SDSL: variants seen among roughly 807,000 people sequenced by gnomAD.
The protein encoded by SDSL is serine dehydratase-like.
SDSL carries 26 observed loss-of-function variants against 27.6 expected under a neutral mutation model. The observed-to-expected ratio is 0.94, with a 90% CI of 0.69 to 1.31. The LOEUF (loss-of-function observed/expected upper bound fraction) is 1.31, where lower values mean the gene tolerates loss of function less well. Ranked by LOEUF, SDSL falls within the 50% of genes most tolerant of loss-of-function variation. SDSL has a pLI of 0.00. For missense variants in SDSL, 431 were observed against 423.5 expected, an observed-to-expected ratio of 1.02 and a Z score of -0.16; for synonymous variants, 196 against 180.6, an observed-to-expected ratio of 1.09 and a Z score of -0.69.
At chr12:113,424,702 G>C (rs773928827) in intron 1 of SDSL, among the ~76,000 whole-genome samples, 2 of 151,852 alleles carry the variant, frequency 1.3e-5, no homozygotes, top group Non-Finnish European at 2.9e-5. Flanking sequence ...GCACATAATA[G>C]GGACTCAACA....
chr12:113,435,028 T>C lies in SDSL; in HGVS notation c.444-301T>C, dbSNP rs540961632. ...TACTCGGGAGGCTGAGGCAGGAGAATCGCTTGAATCCAGGAAGTGGAGGTT... is the reference window on the plus strand; with the variant it reads ...TACTCGGGAGGCTGAGGCAGGAGAACCGCTTGAATCCAGGAAGTGGAGGTT... On this transcript the variant is annotated intron_variant, in intron 5 of 7. Coordinates refer to ENST00000403593, the MANE Select transcript of SDSL (RefSeq NM_001304993.2). 5.0e-4 allele frequency among the ~76,000 whole-genome samples: 76 copies of C among 152,182 alleles called. 1 individual carries two copies. Among genetic ancestry groups the C allele is most frequent in the Admixed American group, 1.2e-3 (19 of 15,290 alleles).
intron 4 of SDSL, among the ~76,000 whole-genome samples, chr12:113,432,300 C>CTTTCTTTCTTTCTTTCTCTCTCTT (rs1294346185): frequency 2.1e-5 from 3 of 144,462 alleles, no homozygotes; most frequent in African/African-American, 8.2e-5. Context: ...TTCTCTCTCT[C>CTTTCTTTCTTTCTTTCTCTCTCTT]TCTTTCTGTC....
chr12:113,429,318 G>C lies in SDSL; in HGVS notation c.354+19G>C. 3.8e-6 allele frequency: 6 copies of C among 1,596,032 alleles called. No individual in the cohort carries two copies. Among genetic ancestry groups the C allele is most frequent in the Non-Finnish European group, 4.3e-6 (5 of 1,165,538 alleles). On this transcript the variant is annotated intron_variant, in intron 4 of 7. Transcript: ENST00000403593. Reference sequence around the variant, plus strand: ...TGGAAAGGTAAGGGCTCTGGGAAGGGGAGAACCATCTGGGTGGGCTGCTCT... The same window carrying C: ...TGGAAAGGTAAGGGCTCTGGGAAGGCGAGAACCATCTGGGTGGGCTGCTCT...
chr12:113,432,991 C>A lies in SDSL; in HGVS notation c.355-1143C>A, dbSNP rs547039367. ...CTGTGATGAACACACAAATGCAGAT[C>A]TTTTTGGTAAAATGGTTTATTTTCC... is the stretch of plus-strand genomic sequence containing the variant. On this transcript the variant is annotated intron_variant, in intron 4 of 7. Transcript: ENST00000403593. Among the ~76,000 whole-genome samples, 146 of 152,226 alleles carry A rather than the reference C, an allele frequency of 9.6e-4. 4 individuals carry two copies. In the South Asian group the frequency reaches 0.03, roughly 31 times the overall value.
intron 5 of SDSL, 136 bp downstream of exon 5, chr12:113,434,358 A>G: frequency 1.6e-6 from 1 of 617,710 alleles, no homozygotes; most frequent in Non-Finnish European, 2.8e-6. Context: ...ACATGGGTTC[A>G]GATCCCACTT....
At chr12:113,432,852 C>CT (rs1303930649) in intron 4 of SDSL, among the ~76,000 whole-genome samples, 3 of 152,164 alleles carry the variant, frequency 2.0e-5, no homozygotes, top group African/African-American at 7.2e-5. Context: ...AGGACATGAT[C>CT]TTTTTTTGTG....
At position 113,428,094 on chromosome 12, in the gene SDSL, T is replaced by A. The variant is rs1957871971; in HGVS notation, c.112T>A (p.Cys38Ser). The change falls in exon 2 of 8, where the codon TGT becomes AGT. Residue 38 changes from cysteine to serine, a missense_variant. Coordinates refer to ENST00000403593, the MANE Select transcript of SDSL (RefSeq NM_001304993.2). ...GGCGGGCATGCCTGTCTTCCTCAAG[T>A]GTGAGAATGTGCAGCCCAGCGGCTC... ...QVAGMPVFLKCENVQPSGSFK... is the reference protein window; with the variant it reads ...QVAGMPVFLKSENVQPSGSFK... 6.2e-7 allele frequency: 1 copy of A among 1,613,750 alleles called. No individual in the cohort carries two copies. Among genetic ancestry groups the A allele is most frequent in the Admixed American group, 1.7e-5 (1 of 59,952 alleles).
chr12:113,432,220 CTTTCTTTCTT>C (rs1957931713), intron 4 of SDSL, among the ~76,000 whole-genome samples: 2 of 6,722 alleles, frequency 3.0e-4, no homozygotes, highest in Non-Finnish European at 7.5e-4. Context: ...TTCTTTCTTT[CTTTCTTTCTT>C]TCTTTCTTTC....
chr12:113,426,430 G>A (rs758584430), intron 1 of SDSL: 1 of 292,734 alleles, frequency 3.4e-6, no homozygotes, highest in Non-Finnish European at 6.9e-6. Context: ...TATTTAATGG[G>A]ATGATTTGAA....
intron 4 of SDSL, among the ~76,000 whole-genome samples, chr12:113,432,502 C>T (rs150769931): frequency 2.5e-4 from 38 of 151,830 alleles, no homozygotes; most frequent in African/African-American, 7.5e-4. Context: ...CCACCACACC[C>T]GGCTATTTTT....
At chr12:113,428,555 G>A in intron 3 of SDSL, 96 bp downstream of exon 3, 2 of 1,038,972 alleles carry the variant, frequency 1.9e-6, no homozygotes, top group Non-Finnish European at 2.8e-6. Context: ...CCTCTTAAAG[G>A]CCCAGCCTCA....
At chr12:113,427,639 G>T (rs1251407934) in intron 1 of SDSL, among the ~76,000 whole-genome samples, 3 of 152,294 alleles carry the variant, frequency 2.0e-5, no homozygotes, top group Admixed American at 6.5e-5. Flanking sequence ...CTGGCACATA[G>T]TAGGTGCTGA....
chr12:113,433,745 G>A (rs1359266026), intron 4 of SDSL, among the ~76,000 whole-genome samples: 2 of 152,114 alleles, frequency 1.3e-5, no homozygotes, highest in African/African-American at 2.4e-5. Context: ...TGGTTTCCAC[G>A]GACACACTCT....
chr12:113,436,658 T>C (rs1294624998), intron 6 of SDSL, 93 bp from the exon 7 acceptor site: 1 of 1,310,718 alleles, frequency 7.6e-7, no homozygotes, highest in African/African-American at 1.5e-5. Context: ...CATGGCAGGA[T>C]GGGAGGGGGT....
intron 4 of SDSL, among the ~76,000 whole-genome samples, chr12:113,430,648 C>G (rs1401795451): frequency 1.3e-5 from 2 of 152,134 alleles, no homozygotes; most frequent in Admixed American, 1.3e-4. Flanking sequence ...GTCAGTTCTG[C>G]CATATGCTGT....
At chr12:113,429,339 G>A in intron 4 of SDSL, 40 bp downstream of exon 4, 14 of 1,581,134 alleles carry the variant, frequency 8.9e-6, no homozygotes, top group Non-Finnish European at 1.1e-5. Context: ...TGGGTGGGCT[G>A]CTCTCCTTCA....
At chr12:113,432,232 CTTT>C (rs1565879030) in intron 4 of SDSL, among the ~76,000 whole-genome samples, 2 of 96,732 alleles carry the variant, frequency 2.1e-5, no homozygotes, top group Non-Finnish European at 4.6e-5. Context: ...TTCTTTCTTT[CTTT>C]CTTTCTTTCT....
chr12:113,429,444 G>C, intron 4 of SDSL, 145 bp downstream of exon 4: 2 of 927,512 alleles, frequency 2.2e-6, no homozygotes. Flanking sequence ...GCTGAGGGGG[G>C]AATGAGGTGG....
intron 2 of SDSL, 102 bp from the exon 3 acceptor site, chr12:113,428,318 A>G: frequency 7.5e-7 from 1 of 1,330,910 alleles, no homozygotes; most frequent in Non-Finnish European, 1.0e-6. Flanking sequence ...TGAGGGGTAA[A>G]GGCGTATTGG....
Sources: allele counts gnomAD v4.1 joint callset (sites outside exome capture counted in the v4.1 genomes callset), GRCh38; gene constraint gnomAD v4.1.1; transcripts MANE v1.5; gene names NCBI Gene and HGNC (gene_info 2026-07-23, HGNC 2026-07-21).